The following PKD1L1 variants were observed in gnomAD, a reference collection of about 807,000 sequenced individuals.
PKD1L1 encodes polycystin 1 like 1, transient receptor potential channel interacting, also known as polycystin-1-like protein 1.
In PKD1L1, 236 loss-of-function variants were observed where a neutral mutation model predicts 323.4. The observed-to-expected ratio is 0.73, with a 90% CI of 0.66 to 0.81. The LOEUF (loss-of-function observed/expected upper bound fraction) is 0.81, where lower values mean the gene tolerates loss of function less well. Ranked by LOEUF, PKD1L1 falls within the 40% of genes least tolerant of loss-of-function variation. The probability of loss-of-function intolerance (pLI) is 0.00; values close to 1 mark genes in which losing one functional copy is unlikely to be tolerated. For missense variants in PKD1L1, 3,320 were observed against 3,508.0 expected (o/e 0.95, Z 1.35); for synonymous variants, 1,344 against 1,335.0 (o/e 1.01, Z -0.15).
At position 47,836,325 on chromosome 7, in the gene PKD1L1, C is replaced by T. The variant is rs549354919; in HGVS notation, c.5943+596G>A. 1.3e-3 allele frequency among the ~76,000 whole-genome samples: 195 copies of T among 152,278 alleles called. 1 individual carries two copies. Among genetic ancestry groups the T allele is most frequent in the Middle Eastern group, 3.4e-3 (1 of 294 alleles). ...CCACACTACGACCCAGCGGTGAACCCGGTGGGCTGGGTGCATGAATGGCCA... is the reference window on the plus strand; with the variant it reads ...CCACACTACGACCCAGCGGTGAACCTGGTGGGCTGGGTGCATGAATGGCCA... On this transcript the variant is annotated intron_variant, in intron 37 of 56. Transcript: ENST00000289672.
chr7:47,921,806 G>A (rs955733164), intron 7 of PKD1L1, among the ~76,000 whole-genome samples: 4 of 152,192 alleles, frequency 2.6e-5, no homozygotes, highest in South Asian at 4.2e-4. Context: ...ACCAAACATC[G>A]TATGTTCTCA....
At chr7:47,826,238 T>C (rs1053484425) in intron 45 of PKD1L1, among the ~76,000 whole-genome samples, 1 of 152,188 alleles carries the variant, frequency 6.6e-6, no homozygotes, top group Admixed American at 6.5e-5. Context: ...CTCTGGTTGG[T>C]CCCCACCTGA....
chr7:47,945,104 G>A (rs762554413), intron 1 of PKD1L1, among the ~76,000 whole-genome samples: 2 of 152,148 alleles, frequency 1.3e-5, no homozygotes, highest in African/African-American at 2.4e-5. Context: ...TTCTCTGTTT[G>A]AGAGGAACGA....
chr7:47,854,355 C>T (rs1014044473), intron 30 of PKD1L1, among the ~76,000 whole-genome samples: 5 of 152,196 alleles, frequency 3.3e-5, no homozygotes, highest in South Asian at 2.1e-4. Context: ...CTCCAACGAA[C>T]TCTGCAGACT....
At chr7:47,940,730 A>G (rs761728428) in intron 2 of PKD1L1, among the ~76,000 whole-genome samples, 10 of 152,046 alleles carry the variant, frequency 6.6e-5, no homozygotes, top group Non-Finnish European at 1.5e-4. Context: ...CATTAAAGAC[A>G]CTCCAAAGTT....
At chr7:47,896,555 G>A (rs1270128823) in intron 14 of PKD1L1, among the ~76,000 whole-genome samples, 3 of 151,824 alleles carry the variant, frequency 2.0e-5, no homozygotes, top group African/African-American at 7.3e-5. Context: ...GGGGGACTTA[G>A]GATTTTATTT....
rs771411052 is a variant in PKD1L1, at chr7:47,908,243, G to T, written c.1236C>A (p.Val412=). Residue 412 remains valine, a synonymous_variant, in exon 9 of 57, where the codon GTC becomes GTA. Coordinates refer to ENST00000289672, the MANE Select transcript of PKD1L1 (RefSeq NM_138295.5). ...ELISAFVTKG[V]YMLKAVIYNE... Reference sequence around the variant, plus strand: ...TATAAATAACAGCCTTGAGCATATAGACTCCTTCTGGAAAAATAAGAATGA... The same window carrying T: ...TATAAATAACAGCCTTGAGCATATATACTCCTTCTGGAAAAATAAGAATGA... 1 of 1,611,128 alleles carries T rather than the reference G, an allele frequency of 6.2e-7. No homozygotes were observed. Among genetic ancestry groups the T allele is most frequent in the Non-Finnish European group, 8.5e-7 (1 of 1,178,870 alleles).
chr7:47,954,759 G>A, the PKD1L1 span, among the ~76,000 whole-genome samples: 7 of 152,148 alleles, frequency 4.6e-5, no homozygotes, highest in African/African-American at 1.2e-4. Flanking sequence ...ACCACCACAG[G>A]TGGTCAGCAT....
intron 19 of PKD1L1, among the ~76,000 whole-genome samples, 170 bp downstream of exon 19, chr7:47,884,428 T>C (rs1436320391): frequency 6.6e-6 from 1 of 151,932 alleles, no homozygotes; most frequent in Non-Finnish European, 1.5e-5. Flanking sequence ...AGAGGGGAGC[T>C]AGAAATAAAG....
Position 47,858,664 on chromosome 7 carries a change from G to A in PKD1L1, c.4362+9C>T. On this transcript the variant is annotated intron_variant, in intron 27 of 56. Transcript: ENST00000289672. ...GTATTTTTATGGATGGAGAAAAAGT[G>A]TGACTTACCAACAATAAATCTGAGA... is the stretch of plus-strand genomic sequence containing the variant. The A allele has an allele frequency of 6.2e-7, 1 of 1,601,378 alleles. No individual in the cohort carries two copies. The highest frequency in any genetic ancestry group is 8.6e-7 in the Non-Finnish European group (1 of 1,168,506).
At chr7:47,953,173 C>T (rs540943929), upstream of PKD1L1, among the ~76,000 whole-genome samples, 19 of 152,262 alleles carry the variant, frequency 1.2e-4, no homozygotes, top group Non-Finnish European at 2.5e-4. Flanking sequence ...AGGGAATTGC[C>T]ATAACCACCT....
chr7:47,794,989 T>C (rs1219059918), intron 55 of PKD1L1, among the ~76,000 whole-genome samples: 2 of 152,204 alleles, frequency 1.3e-5, no homozygotes, highest in Non-Finnish European at 2.9e-5. Flanking sequence ...GTAACTAACT[T>C]ATTTTTTATT....
chr7:47,809,314 G>C (rs1308500569), intron 51 of PKD1L1, 159 bp downstream of exon 51: 1 of 586,726 alleles, frequency 1.7e-6, no homozygotes, highest in East Asian at 2.9e-5. Flanking sequence ...AATGATACCT[G>C]ATCTCAAATG....
intron 22 of PKD1L1, 113 bp from the exon 23 acceptor site, chr7:47,876,330 C>A (rs746231285): frequency 1.8e-5 from 22 of 1,251,116 alleles, no homozygotes; most frequent in Non-Finnish European, 2.5e-5. Flanking sequence ...TTCTTTACAG[C>A]CAGGAAGAGG....
chr7:47,827,431 C>G lies in PKD1L1; in HGVS notation c.6773G>C (p.Trp2258Ser). Reference sequence around the variant, plus strand: ...CTGGGCCTTGGATGGTGGATGCGCCCAGCGCAGGTGGCGAGCTTGTTGTCG... The same window carrying G: ...CTGGGCCTTGGATGGTGGATGCGCCGAGCGCAGGTGGCGAGCTTGTTGTCG... ...AARQQARHLRWAHPPSKAQLR... is the reference protein window; with the variant it reads ...AARQQARHLRSAHPPSKAQLR... The change falls in exon 45 of 57, where the codon TGG becomes TCG. Residue 2258 changes from tryptophan to serine, a missense_variant. By Grantham distance (177) the Trp-to-Ser change is radical. Coordinates refer to ENST00000289672, the MANE Select transcript of PKD1L1 (RefSeq NM_138295.5). The G allele has an allele frequency of 1.2e-6, 2 of 1,612,708 alleles. No individual in the cohort carries two copies. The highest frequency in any genetic ancestry group is 1.7e-6 in the Non-Finnish European group (2 of 1,179,782).
chr7:47,849,408 G>C (rs1044952049), intron 31 of PKD1L1, among the ~76,000 whole-genome samples: 14 of 152,144 alleles, frequency 9.2e-5, no homozygotes, highest in African/African-American at 3.4e-4. Flanking sequence ...AGAGTAAGCA[G>C]ACAAGCAACA....
chr7:47,927,480 G>A (rs541117832), intron 7 of PKD1L1, among the ~76,000 whole-genome samples: 6 of 152,142 alleles, frequency 3.9e-5, no homozygotes, highest in Non-Finnish European at 8.8e-5. Flanking sequence ...TGGTCAGGCT[G>A]GTCTCGAACT....
intron 26 of PKD1L1, among the ~76,000 whole-genome samples, chr7:47,862,268 C>G (rs1193350345): frequency 6.6e-6 from 1 of 152,162 alleles, no homozygotes; most frequent in African/African-American, 2.4e-5. Context: ...AAACAGATGG[C>G]ATGACCAGGT....
intron 29 of PKD1L1, 55 bp downstream of exon 29, chr7:47,855,100 A>G: frequency 6.2e-7 from 1 of 1,608,560 alleles, no homozygotes; most frequent in Non-Finnish European, 8.5e-7. Context: ...AACACATTAA[A>G]AATCAGCCAG....
Sources: allele counts gnomAD v4.1 joint callset (sites outside exome capture counted in the v4.1 genomes callset), GRCh38; gene constraint gnomAD v4.1.1; transcripts MANE v1.5; gene names NCBI Gene and HGNC (gene_info 2026-07-23, HGNC 2026-07-21).